The following TMEM266 variants were observed in gnomAD, a reference collection of about 807,000 sequenced individuals.
The protein encoded by TMEM266 is Hv1 related protein 1.
TMEM266 carries 33 observed loss-of-function variants against 50.5 expected under a neutral mutation model. The observed-to-expected ratio is 0.65, with a 90% CI of 0.50 to 0.87. The LOEUF (loss-of-function observed/expected upper bound fraction) is 0.87. Ranked by LOEUF, TMEM266 falls within the 40% of genes least tolerant of loss-of-function variation. The probability of loss-of-function intolerance (pLI) is 0.00; values close to 1 mark genes in which losing one functional copy is unlikely to be tolerated. For synonymous variants in TMEM266, 310 were observed against 292.3 expected (o/e 1.06, Z -0.62); for missense variants, 655 against 695.1 (o/e 0.94, Z 0.65).
chr15:76,094,661 T>C (rs2036897947), intron 1 of TMEM266, among the ~76,000 whole-genome samples: 1 of 152,078 alleles, frequency 6.6e-6, no homozygotes, highest in Non-Finnish European at 1.5e-5. Context: ...GGGAAGTTAG[T>C]GATAGCTTGA....
At chr15:76,083,195 A>G (rs1417351316) in intron 1 of TMEM266, among the ~76,000 whole-genome samples, 1 of 151,374 alleles carries the variant, frequency 6.6e-6, no homozygotes, top group African/African-American at 2.4e-5. Context: ...GCTAGGTGCA[A>G]TGACAAGCAA....
rs934537975 is a variant in TMEM266 at position 76,104,076 on chromosome 15, A to G, written c.-96-30092A>G. Among the ~76,000 whole-genome samples, 10 of 149,356 alleles carry G rather than the reference A, an allele frequency of 6.7e-5. No homozygotes were observed. In the South Asian group the frequency reaches 8.6e-4, roughly 13 times the overall value. ...CAAAAAATTAGCTGGGCATGGTGGC[A>G]GGCGCCTGTAGTCCCAGCTACTTGG... On this transcript the variant is annotated intron_variant, in intron 1 of 10. Transcript: ENST00000388942.
At chr15:76,079,881 G>C (rs567722364) in intron 1 of TMEM266, among the ~76,000 whole-genome samples, 2 of 152,002 alleles carry the variant, frequency 1.3e-5, no homozygotes, top group South Asian at 4.2e-4. Flanking sequence ...ACTATAGGTC[G>C]TAAGTTTGGA....
At chr15:76,078,629 A>G (rs2036639460) in intron 1 of TMEM266, among the ~76,000 whole-genome samples, 1 of 152,136 alleles carries the variant, frequency 6.6e-6, no homozygotes, top group Non-Finnish European at 1.5e-5. Context: ...CCTCAATTCA[A>G]AATCTGGGAA....
chr15:76,202,289 A>G (rs771743162), intron 10 of TMEM266, 25 bp downstream of exon 10: 7 of 1,594,746 alleles, frequency 4.4e-6, no homozygotes, highest in Non-Finnish European at 6.0e-6. Flanking sequence ...GGGCTGTTCT[A>G]CATGTGCCAC....
rs545904070 is a variant in TMEM266, at chr15:76,071,908, AT to A, written c.-97+11904del. The stretch of plus-strand genomic sequence containing the variant: ...AGATTTGATTTAGACCAGATTCGGC[AT>A]TTTTTTTTTTTAAACACCTGAAAAT... On this transcript the variant is annotated intron_variant, in intron 1 of 10. Transcript: ENST00000388942. 2.0e-3 allele frequency among the ~76,000 whole-genome samples: 288 copies of A among 145,548 alleles called. 2 individuals carry two copies. The highest frequency in any genetic ancestry group is 2.2e-3 in the African/African-American group (90 of 40,150).
intron 1 of TMEM266, among the ~76,000 whole-genome samples, chr15:76,108,482 T>G (rs548259614): frequency 1.3e-5 from 2 of 152,350 alleles, no homozygotes; most frequent in East Asian, 3.9e-4. Flanking sequence ...AGCTACAGAT[T>G]CCTGATTCAC....
intron 8 of TMEM266, among the ~76,000 whole-genome samples, chr15:76,190,542 C>G (rs897439982): frequency 6.7e-6 from 1 of 149,628 alleles, no homozygotes; most frequent in Non-Finnish European, 1.5e-5. Context: ...CCAGAGCTGG[C>G]AGTGGAGGTG....
intron 1 of TMEM266, among the ~76,000 whole-genome samples, chr15:76,092,792 A>T (rs1431230143): frequency 1.4e-5 from 2 of 145,140 alleles, no homozygotes; most frequent in Non-Finnish European, 1.5e-5. Flanking sequence ...TGACAATGCT[A>T]TGAGTTAGGT....
At chr15:76,111,010 C>T (rs985899686) in intron 1 of TMEM266, among the ~76,000 whole-genome samples, 1 of 151,920 alleles carries the variant, frequency 6.6e-6, no homozygotes, top group African/African-American at 2.4e-5. Context: ...TGTGGAGCAA[C>T]AGGAACTCTC....
At chr15:76,076,833 T>G (rs2036613993) in intron 1 of TMEM266, among the ~76,000 whole-genome samples, 1 of 152,132 alleles carries the variant, frequency 6.6e-6, no homozygotes. Context: ...GATTACAATT[T>G]ATAATAGGCT....
In TMEM266 at chr15:76,136,516, A is replaced by C. The variant is rs139558031; in HGVS notation, c.39-1191A>C. Among the ~76,000 whole-genome samples, 87 of 152,334 alleles carry C rather than the reference A, an allele frequency of 5.7e-4. No individual in the cohort carries two copies. The East Asian group carries it at 0.015, about 27-fold the overall frequency. On this transcript the variant is annotated intron_variant, in intron 2 of 10. Coordinates refer to ENST00000388942, the MANE Select transcript of TMEM266 (RefSeq NM_152335.3). ...AGAGCCCAAGAGCAGTTTACAGCAG[A>C]GAGGACTGCCATCTCAGTATTAAAA...
intron 1 of TMEM266, among the ~76,000 whole-genome samples, chr15:76,126,297 G>A (rs184006332): frequency 2.0e-5 from 3 of 150,300 alleles, no homozygotes; most frequent in Non-Finnish European, 4.4e-5. Context: ...TATTCACAAT[G>A]TCCAAGATTT....
chr15:76,105,219 C>T (rs2037062661), intron 1 of TMEM266, among the ~76,000 whole-genome samples: 1 of 151,890 alleles, frequency 6.6e-6, no homozygotes, highest in African/African-American at 2.4e-5. Context: ...GTACTCCAGC[C>T]TGAGTGACAC....
chr15:76,151,316 C>G (rs2037839774), intron 3 of TMEM266, among the ~76,000 whole-genome samples: 1 of 152,220 alleles, frequency 6.6e-6, no homozygotes, highest in Non-Finnish European at 1.5e-5. Flanking sequence ...TGGTCACATT[C>G]TATTTCACTG....
At chr15:76,152,494 G>C (rs1055976337) in intron 3 of TMEM266, among the ~76,000 whole-genome samples, 1 of 152,166 alleles carries the variant, frequency 6.6e-6, no homozygotes, top group Admixed American at 6.5e-5. Context: ...GGTGGTGGGT[G>C]GTGAGCTATA....
chr15:76,061,477 G>A (rs2036302379), intron 1 of TMEM266, among the ~76,000 whole-genome samples: 1 of 152,180 alleles, frequency 6.6e-6, no homozygotes, highest in East Asian at 1.9e-4. Flanking sequence ...AGCCCTGAGG[G>A]GGCTTTTCCT....
Position 76,204,113 on chromosome 15 carries a change from G to A in TMEM266, c.1394G>A (p.Arg465Gln), listed in dbSNP as rs774278839. The A allele has an allele frequency of 5.3e-5, 86 of 1,612,768 alleles. No individual in the cohort carries two copies. The highest frequency in any genetic ancestry group is 3.7e-4 in the Admixed American group (22 of 59,988). The change falls in exon 11 of 11, where the codon CGG becomes CAG. Residue 465 changes from arginine (R) to glutamine (Q), a missense_variant. By Grantham distance (43) the Arg-to-Gln change is conservative. This residue lies in a region of TMEM266 where 455 missense variants were observed against 401.8 expected (regional missense o/e 1.13). Coordinates refer to ENST00000388942, the MANE Select transcript of TMEM266 (RefSeq NM_152335.3). ...GCCTTGGACCCAGCCCCCCTCGCCCGGCCCAGCCCAGCGGGCTCGGCCCAA... is the reference window on the plus strand; with the variant it reads ...GCCTTGGACCCAGCCCCCCTCGCCCAGCCCAGCCCAGCGGGCTCGGCCCAA...
At chr15:76,137,932 C>T in intron 3 of TMEM266, 37 bp downstream of exon 3, 1 of 1,522,072 alleles carries the variant, frequency 6.6e-7, no homozygotes, top group Non-Finnish European at 8.8e-7. Context: ...TAAGAAGTCC[C>T]TGGGTTAGGC....
Sources: gnomAD v4.1 joint callset for allele counts (sites outside exome capture counted in the v4.1 genomes callset) on GRCh38, gnomAD v4.1.1 for gene constraint, gnomAD v4.1.1 regional missense constraint, MANE v1.5 for transcripts, NCBI Gene and HGNC (gene_info 2026-07-23, HGNC 2026-07-21) for gene names.